Variants in GRID2IP observed in about 807,000 individuals in gnomAD.
The protein encoded by GRID2IP is Grid2 interacting protein, also known as delphilin.
GRID2IP carries 78 observed loss-of-function variants against 114.3 expected under a neutral mutation model. That is an observed-to-expected ratio of 0.68 (90% CI 0.57 to 0.82). The LOEUF (loss-of-function observed/expected upper bound fraction) is 0.82, where lower values mean the gene tolerates loss of function less well. GRID2IP is among the 40% of genes least tolerant of loss of function. The pLI is 0.00. For synonymous variants in GRID2IP, 809 were observed against 724.0 expected (o/e 1.12, Z -1.89); for missense variants, 1,727 against 1,678.5 (o/e 1.03, Z -0.51).
intron 1 of GRID2IP, among the ~76,000 whole-genome samples, chr7:6,542,855 C>T (rs1416866860): frequency 6.6e-6 from 1 of 152,134 alleles, no homozygotes; most frequent in Non-Finnish European, 1.5e-5. Context: ...TCCATGAGAC[C>T]CTTCCCTTGT....
chr7:6,535,389 C>T (rs1779707878), intron 2 of GRID2IP, among the ~76,000 whole-genome samples: 1 of 152,234 alleles, frequency 6.6e-6, no homozygotes, highest in African/African-American at 2.4e-5. Context: ...GGCCCAGCTT[C>T]ATGGTGTCAC....
chr7:6,545,644 C>T (rs1399992652), intron 1 of GRID2IP, among the ~76,000 whole-genome samples: 1 of 152,206 alleles, frequency 6.6e-6, no homozygotes, highest in Non-Finnish European at 1.5e-5. Context: ...TCTGTGTAAC[C>T]GTCTGTCTCC....
chr7:6,530,917 T>C, intron 2 of GRID2IP: 3 of 474,434 alleles, frequency 6.3e-6, no homozygotes, highest in Non-Finnish European at 1.1e-5. Flanking sequence ...TCCCTGGGCC[T>C]CGGGCTCCGC....
chr7:6,515,846 C>A (rs745941316), intron 7 of GRID2IP, among the ~76,000 whole-genome samples: 8 of 151,980 alleles, frequency 5.3e-5, no homozygotes, highest in Non-Finnish European at 1.0e-4. Context: ...CGCCTGTAAT[C>A]CTAGCACTTT....
chr7:6,517,183 T>C (rs1170038206), intron 7 of GRID2IP, among the ~76,000 whole-genome samples: 2 of 151,590 alleles, frequency 1.3e-5, no homozygotes, highest in Non-Finnish European at 2.9e-5. Flanking sequence ...GCCTCCCGAG[T>C]AGCTGGGACT....
intron 8 of GRID2IP, among the ~76,000 whole-genome samples, chr7:6,512,683 G>C (rs998916487): frequency 1.3e-5 from 2 of 151,774 alleles, no homozygotes; most frequent in African/African-American, 4.8e-5. Context: ...GCTTATTTTT[G>C]TATTTTTAGT....
chr7:6,507,858 A>T lies in GRID2IP; in HGVS notation c.2544+127T>A. ...GGGGACGTTCTTGGGCTGGGCCTCT[A>T]CTCATCCTCTGCTTGGGGTAGGGAG... On this transcript the variant is annotated intron_variant, in intron 13 of 21. Transcript: ENST00000457091. The surrounding 1 kb of genome is among the most constrained non-coding windows in gnomAD (Gnocchi z 5.3). The T allele has an allele frequency of 1.4e-6, 2 of 1,402,660 alleles. No homozygotes were observed. The highest frequency in any genetic ancestry group is 1.9e-6 in the Non-Finnish European group (2 of 1,056,446). 86.9% of individuals were successfully genotyped at this position (1,402,660 alleles called of 1,614,324 possible).
chr7:6,504,017 A>C (rs1359548922), intron 15 of GRID2IP, among the ~76,000 whole-genome samples: 1 of 140,872 alleles, frequency 7.1e-6, no homozygotes, highest in Admixed American at 7.1e-5. Context: ...AGGTTGGCCC[A>C]GGATACAGCG....
intron 1 of GRID2IP, among the ~76,000 whole-genome samples, chr7:6,546,136 C>T (rs919400735): frequency 8.6e-5 from 13 of 151,596 alleles, no homozygotes; most frequent in African/African-American, 2.4e-4. Flanking sequence ...AGGCAGAAAG[C>T]GCAGGCGAGA....
rs1786268537 is a variant in GRID2IP, at chr7:6,496,835, C to A, written c.*939G>T. Among the ~76,000 whole-genome samples the A allele has an allele frequency of 6.6e-6, 1 of 151,842 alleles. No homozygotes were observed. The highest frequency in any genetic ancestry group is 2.1e-4 in the South Asian group (1 of 4,826). On this transcript the variant is annotated 3_prime_UTR_variant, in exon 22 of 22. Coordinates refer to ENST00000457091, the MANE Select transcript of GRID2IP (RefSeq NM_001145118.2). ...TTTAAAAAAGGTGAAACAGTTCACA[C>A]ACCCTCCCTCCCTGCCCACCACGCC...
chr7:6,522,646 G>A (rs1390919362), intron 4 of GRID2IP, among the ~76,000 whole-genome samples: 5 of 151,494 alleles, frequency 3.3e-5, no homozygotes, highest in African/African-American at 7.3e-5. Context: ...CCACCACTCC[G>A]GGCTAATTTT....
intron 2 of GRID2IP, among the ~76,000 whole-genome samples, chr7:6,539,174 G>A (rs1015760977): frequency 1.3e-5 from 2 of 151,612 alleles, no homozygotes; most frequent in Admixed American, 1.3e-4. Context: ...TGTCATCCAG[G>A]CTGGAGTGCA....
Position 6,520,359 on chromosome 7 carries a change from C to T in GRID2IP, c.1268+219G>A, listed in dbSNP as rs1230014855. 1.3e-5 allele frequency among the ~76,000 whole-genome samples: 2 copies of T among 152,126 alleles called. No homozygotes were observed. The highest frequency in any genetic ancestry group is 1.9e-4 in the East Asian group (1 of 5,200). ...ACTTCACAGAGAAGGCTGAGACTCG[C>T]CCAAGGTCACGTGACTAGGAGGTGT... On this transcript the variant is annotated intron_variant, in intron 7 of 21. Transcript: ENST00000457091. This position sits in a 1 kb window ranked among gnomAD's most constrained non-coding sequence, Gnocchi z 4.6.
In GRID2IP at chr7:6,523,971, A is replaced by C. The variant is rs1263502066; in HGVS notation, c.920-2014T>G. Among the ~76,000 whole-genome samples the C allele has an allele frequency of 6.6e-6, 1 of 152,238 alleles. No individual in the cohort carries two copies. The highest frequency in any genetic ancestry group is 1.5e-5 in the Non-Finnish European group (1 of 68,050). On this transcript the variant is annotated intron_variant, in intron 4 of 21. Transcript: ENST00000457091. The surrounding 1 kb of genome is among the most constrained non-coding windows in gnomAD (Gnocchi z 4.5). ...ATCACTTCTAGAGGAAGCTCTCCAG[A>C]GAGCAGCTTTGGGCCTTTTGCTTAC...
rs1002835555 is a variant in GRID2IP, at chr7:6,512,231, C to CTTTTTTTTTTTTTTTTTTT, written c.1424-1193_1424-1192insAAAAAAAAAAAAAAAAAAA. Among the ~76,000 whole-genome samples, 349 of 90,176 alleles carry CTTTTTTTTTTTTTTTTTTT rather than the reference C, an allele frequency of 3.9e-3. 40 individuals carry two copies. The highest frequency in any genetic ancestry group is 0.013 in the African/African-American group (277 of 21,694). The allele number at this position is 90,176 out of a possible 152,430, so 59.2% of individuals were successfully genotyped here. The stretch of plus-strand genomic sequence containing the variant: ...CACACCTGCCTTTTTTTCTTTTCTT[C>CTTTTTTTTTTTTTTTTTTT]TTTTTTTTTTTTTTTTTTGTGACAG... On this transcript the variant is annotated intron_variant, in intron 8 of 21. Coordinates refer to ENST00000457091, the MANE Select transcript of GRID2IP (RefSeq NM_001145118.2).
chr7:6,498,922 T>C (rs1245609090), intron 20 of GRID2IP, among the ~76,000 whole-genome samples: 1 of 152,170 alleles, frequency 6.6e-6, no homozygotes. Context: ...TTTGTCATGA[T>C]CTGAAATTGT....
chr7:6,521,304 GC>G lies in GRID2IP; in HGVS notation c.1084+124del. 2 of 650,338 alleles carry G rather than the reference GC, an allele frequency of 3.1e-6. No individual in the cohort carries two copies. The highest frequency in any genetic ancestry group is 5.3e-6 in the Non-Finnish European group (2 of 380,726). 40.3% of individuals were successfully genotyped at this position (650,338 alleles called of 1,614,324 possible). On this transcript the variant is annotated intron_variant, in intron 6 of 21. Transcript: ENST00000457091. This position sits in a 1 kb window ranked among gnomAD's most constrained non-coding sequence, Gnocchi z 4.1. ...GTTCTATAGCACCACTTAGGAGGCAGCCCCGGGGAGGCAAGCTGCAGGTTTA... is the reference window on the plus strand; with the variant it reads ...GTTCTATAGCACCACTTAGGAGGCAGCCCGGGGAGGCAAGCTGCAGGTTTA...
In GRID2IP at chr7:6,510,656, G is replaced by A. The variant is rs1470056815; in HGVS notation, c.1606C>T (p.Gln536Ter). The change falls in exon 10 of 22, where the codon CAG becomes TAG. Residue 536 changes from glutamine to a stop codon, truncating the protein, a stop_gained. Coordinates refer to ENST00000457091, the MANE Select transcript of GRID2IP (RefSeq NM_001145118.2). LOFTEE classifies it high-confidence loss of function. ...MPLPLIPGER[Q>*]AGDGTSLPET... The stretch of plus-strand genomic sequence containing the variant: ...GGGAGGGACGTGCCGTCGCCTGCCT[G>A]GCGCTCGCCTGGGATCAGGGGAAGA... 2 of 1,539,230 alleles carry A rather than the reference G, an allele frequency of 1.3e-6. No individual in the cohort carries two copies. The highest frequency in any genetic ancestry group is 1.7e-6 in the Non-Finnish European group (2 of 1,143,310).
chr7:6,515,056 C>A (rs1779267541), intron 7 of GRID2IP, among the ~76,000 whole-genome samples: 1 of 152,008 alleles, frequency 6.6e-6, no homozygotes, highest in South Asian at 2.1e-4. Flanking sequence ...CTGCCACTTA[C>A]CAGCTAAGTG....
Sources: gnomAD v4.1 joint callset for allele counts (sites outside exome capture counted in the v4.1 genomes callset) on GRCh38, gnomAD v4.1.1 for gene constraint, Gnocchi (gnomAD v3.1) non-coding constraint, MANE v1.5 for transcripts, NCBI Gene and HGNC (gene_info 2026-07-23, HGNC 2026-07-21) for gene names.